Variants in CSMD1 observed in about 807,000 individuals in gnomAD.
CSMD1 encodes the protein CUB and Sushi multiple domains 1.
CSMD1 carries 213 observed loss-of-function variants against 417.5 expected under a neutral mutation model. The ratio of observed to expected loss-of-function variants is 0.51; its 90% CI spans 0.46 to 0.57. The LOEUF (loss-of-function observed/expected upper bound fraction) is 0.57. CSMD1 is among the 20% of genes least tolerant of loss of function. The pLI, the probability that CSMD1 is intolerant of heterozygous loss-of-function variation, is 0.00. For synonymous variants in CSMD1, 2,862 were observed against 1,736.8 expected (o/e 1.65, Z -16.11); for missense variants, 6,923 against 4,529.7 (o/e 1.53, Z -15.17).
intron 52 of CSMD1, among the ~76,000 whole-genome samples, chr8:3,011,070 A>G (rs983926027): frequency 3.3e-5 from 5 of 151,768 alleles, no homozygotes; most frequent in African/African-American, 1.2e-4. Flanking sequence ...TACCTTATTT[A>G]CTCCTTAGAG....
chr8:3,302,904 T>C (rs779982664), intron 25 of CSMD1, among the ~76,000 whole-genome samples: 25 of 152,136 alleles, frequency 1.6e-4, no homozygotes, highest in African/African-American at 5.3e-4. Flanking sequence ...GGGTTGCAGG[T>C]TTCTTTCCTC....
At chr8:3,192,210 T>C (rs1407837919) in intron 33 of CSMD1, among the ~76,000 whole-genome samples, 1 of 152,238 alleles carries the variant, frequency 6.6e-6, no homozygotes, top group Non-Finnish European at 1.5e-5. Flanking sequence ...ATTAATGATT[T>C]ATCAGAATCA....
At chr8:3,345,660 CAT>C (rs1161051167) in intron 22 of CSMD1, among the ~76,000 whole-genome samples, 1 of 152,152 alleles carries the variant, frequency 6.6e-6, no homozygotes, top group Non-Finnish European at 1.5e-5. Context: ...CTTTGGGATT[CAT>C]ATGTTTAATA....
At chr8:4,019,523 C>G (rs979378504) in intron 4 of CSMD1, among the ~76,000 whole-genome samples, 22 of 152,270 alleles carry the variant, frequency 1.4e-4, no homozygotes, top group African/African-American at 4.8e-4. Flanking sequence ...TGGTGGTTAC[C>G]CAAGAGACAT....
chr8:4,092,661 A>C (rs1800782434), intron 3 of CSMD1, among the ~76,000 whole-genome samples: 1 of 152,208 alleles, frequency 6.6e-6, no homozygotes, highest in Non-Finnish European at 1.5e-5. Flanking sequence ...TTCCAAACAG[A>C]ATTCAGTAGG....
In CSMD1 at chr8:4,143,662, C is replaced by A. The variant is rs1317377194; in HGVS notation, c.416-111563G>T. On this transcript the variant is annotated intron_variant, in intron 3 of 69. Transcript: ENST00000635120. ...AAGGAGAGCATTGACTGTGAGTTCTCCAGGTTCTTGGCATTTAGAATAATT... is the reference window on the plus strand; with the variant it reads ...AAGGAGAGCATTGACTGTGAGTTCTACAGGTTCTTGGCATTTAGAATAATT... 3.3e-5 allele frequency among the ~76,000 whole-genome samples: 5 copies of A among 151,042 alleles called. 1 individual carries two copies. The East Asian group carries it at 9.7e-4, about 29-fold the overall frequency.
At chr8:4,590,462 T>A (rs1470613584) in intron 2 of CSMD1, among the ~76,000 whole-genome samples, 7 of 152,210 alleles carry the variant, frequency 4.6e-5, no homozygotes, top group Non-Finnish European at 1.0e-4. Flanking sequence ...TTAAGATTGT[T>A]CTGGTATGTA....
intron 1 of CSMD1, among the ~76,000 whole-genome samples, chr8:4,673,432 G>A (rs577725301): frequency 1.3e-5 from 2 of 152,256 alleles, no homozygotes; most frequent in Admixed American, 1.3e-4. Flanking sequence ...CTAGGGCCCA[G>A]AGGTGTTGAG....
intron 28 of CSMD1, among the ~76,000 whole-genome samples, chr8:3,221,626 A>T (rs866963306): frequency 5.3e-5 from 8 of 151,888 alleles, no homozygotes; most frequent in South Asian, 2.1e-4. Flanking sequence ...AGAAGTCTGG[A>T]GTGAAATTTA....
At chr8:4,488,690 G>GT (rs979047339) in intron 2 of CSMD1, among the ~76,000 whole-genome samples, 5 of 151,882 alleles carry the variant, frequency 3.3e-5, no homozygotes, top group Admixed American at 2.0e-4. Flanking sequence ...GCGGTGGGGG[G>GT]GGTGAAAAGT....
intron 8 of CSMD1, among the ~76,000 whole-genome samples, chr8:3,609,447 C>G (rs1372407969): frequency 6.6e-6 from 1 of 152,130 alleles, no homozygotes; most frequent in Admixed American, 6.6e-5. Flanking sequence ...TTCAAATAAG[C>G]AAGCTTTGTA....
At chr8:4,113,712 T>A (rs1428148719) in intron 3 of CSMD1, among the ~76,000 whole-genome samples, 1 of 152,202 alleles carries the variant, frequency 6.6e-6, no homozygotes, top group Non-Finnish European at 1.5e-5. Flanking sequence ...CCAGTGCTAC[T>A]CTTATAAGTG....
chr8:3,981,500 T>TAAAAAAAAAAAAAAAAAAAA (rs200296436), intron 5 of CSMD1, among the ~76,000 whole-genome samples: 1 of 115,070 alleles, frequency 8.7e-6, no homozygotes, highest in Non-Finnish European at 1.7e-5. Flanking sequence ...TAGAAAAAAG[T>TAAAAAAAAAAAAAAAAAAAA]AAAAAAAAAA....
intron 1 of CSMD1, among the ~76,000 whole-genome samples, chr8:4,873,632 C>T (rs972777708): frequency 1.3e-5 from 2 of 152,126 alleles, no homozygotes; most frequent in Non-Finnish European, 2.9e-5. Context: ...GATCAATGTT[C>T]ATTCCTCCAT....
At chr8:3,281,386 G>C (rs1252207277) in intron 26 of CSMD1, among the ~76,000 whole-genome samples, 1 of 152,166 alleles carries the variant, frequency 6.6e-6, no homozygotes, top group African/African-American at 2.4e-5. Context: ...AGAGGCTCCA[G>C]TGAGCCAAGA....
At chr8:4,342,407 G>A (rs1274613792) in intron 3 of CSMD1, among the ~76,000 whole-genome samples, 2 of 152,024 alleles carry the variant, frequency 1.3e-5, no homozygotes, top group African/African-American at 4.8e-5. Flanking sequence ...GTGTGAATAG[G>A]TTAATCACTT....
chr8:4,727,548 G>A (rs866236037), intron 1 of CSMD1, among the ~76,000 whole-genome samples: 1 of 152,096 alleles, frequency 6.6e-6, no homozygotes, highest in East Asian at 1.9e-4. Context: ...AAAGAAAAAT[G>A]GTGCAGAACT....
chr8:3,871,006 A>T (rs1805448121), intron 5 of CSMD1, among the ~76,000 whole-genome samples: 1 of 151,852 alleles, frequency 6.6e-6, no homozygotes, highest in East Asian at 1.9e-4. Flanking sequence ...ATGTGTTATA[A>T]TTTTTTTAAA....
intron 14 of CSMD1, 54 bp downstream of exon 14, chr8:3,407,845 G>C: frequency 6.9e-7 from 1 of 1,451,622 alleles, no homozygotes; most frequent in Non-Finnish European, 9.3e-7. Flanking sequence ...AGCAAAATGG[G>C]AACATGTAAG....
Sources: allele counts gnomAD v4.1 joint callset (sites outside exome capture counted in the v4.1 genomes callset), GRCh38; gene constraint gnomAD v4.1.1; transcripts MANE v1.5; gene names NCBI Gene and HGNC (gene_info 2026-07-23, HGNC 2026-07-21).